Variants in ITPRIP observed in about 807,000 individuals in gnomAD.
ITPRIP encodes the protein inositol 1,4,5-trisphosphate receptor interacting protein, also known as inositol 1,4,5-trisphosphate receptor-interacting protein.
A neutral mutation model predicts 35.8 loss-of-function variants in ITPRIP; 32 were observed. The observed-to-expected ratio is 0.89, with a 90% CI of 0.68 to 1.20. The LOEUF (loss-of-function observed/expected upper bound fraction) is 1.20. Among genes scored for constraint, ITPRIP ranks in the 50% most tolerant of loss-of-function variants. ITPRIP has a pLI of 0.00. For synonymous variants in ITPRIP, 358 were observed against 324.0 expected (o/e 1.11, Z -1.13); for missense variants, 653 against 735.6 (o/e 0.89, Z 1.30).
intron 1 of ITPRIP, among the ~76,000 whole-genome samples, chr10:104,335,458 C>T (rs2014217158): frequency 6.6e-6 from 1 of 152,188 alleles, no homozygotes. Context: ...CCGTTTCCCT[C>T]TGAGCCACAC....
At chr10:104,335,916 G>A (rs1589897898) in intron 1 of ITPRIP, among the ~76,000 whole-genome samples, 1 of 149,318 alleles carries the variant, frequency 6.7e-6, no homozygotes, top group East Asian at 1.9e-4. Flanking sequence ...GTTAATACAG[G>A]CTAAGTACTT....
Position 104,312,668 on chromosome 10 carries a change from G to A in ITPRIP, c.*1740C>T. On this transcript the variant is annotated 3_prime_UTR_variant, in exon 2 of 2. Transcript: ENST00000337478. ...TGGAAGGCTTCCTATAGGTTTGGTT[G>A]CCCTGATCACAGCCGAGCTGCCCCA... 1.0e-6 allele frequency: 1 copy of A among 985,354 alleles called. No individual in the cohort carries two copies. The highest frequency in any genetic ancestry group is 1.2e-6 in the Non-Finnish European group (1 of 829,926). 61.0% of individuals were successfully genotyped at this position (985,354 alleles called of 1,614,324 possible).
chr10:104,332,277 T>C (rs2014165282), intron 1 of ITPRIP, among the ~76,000 whole-genome samples: 1 of 152,096 alleles, frequency 6.6e-6, no homozygotes, highest in African/African-American at 2.4e-5. Context: ...TCCATAACGG[T>C]GGATTCTGCA....
At chr10:104,336,455 G>C (rs2135216388) in intron 1 of ITPRIP, among the ~76,000 whole-genome samples, 1 of 146,068 alleles carries the variant, frequency 6.8e-6, no homozygotes, top group Admixed American at 6.9e-5. Context: ...CTGAGTCTTG[G>C]ACTCTGAAAG....
At chr10:104,321,904 C>T (rs2013857500) in intron 1 of ITPRIP, among the ~76,000 whole-genome samples, 3 of 152,046 alleles carry the variant, frequency 2.0e-5, no homozygotes, top group South Asian at 4.1e-4. Flanking sequence ...GCTACATGTA[C>T]GGAGCACATA....
intron 1 of ITPRIP, among the ~76,000 whole-genome samples, chr10:104,324,625 C>A (rs1284937994): frequency 1.3e-5 from 2 of 152,144 alleles, no homozygotes; most frequent in African/African-American, 4.8e-5. Context: ...GGCCACTGGG[C>A]TCCTTCCCTT....
intron 1 of ITPRIP, among the ~76,000 whole-genome samples, chr10:104,331,131 G>T (rs2014138635): frequency 6.6e-6 from 1 of 152,240 alleles, no homozygotes; most frequent in African/African-American, 2.4e-5. Flanking sequence ...AAAAAAGGGA[G>T]TGAGGGCTCT....
chr10:104,321,039 G>A (rs2013832657), intron 1 of ITPRIP, among the ~76,000 whole-genome samples: 1 of 152,188 alleles, frequency 6.6e-6, no homozygotes, highest in Non-Finnish European at 1.5e-5. Context: ...GACGGGTAGT[G>A]AGGAGCCTCT....
In ITPRIP at chr10:104,328,146, C is replaced by T. The variant is rs2014069513; in HGVS notation, c.-14+10100G>A. 1.1e-6 allele frequency: 1 copy of T among 870,138 alleles called. No homozygotes were observed. The highest frequency in any genetic ancestry group is 1.4e-6 in the Non-Finnish European group (1 of 724,818). 53.9% of individuals were successfully genotyped at this position (870,138 alleles called of 1,614,324 possible). ...TGCAGGAAGGATGCCTCTCCCACAG[C>T]CAGCCTGCAGGGGAAGGTCTCCCTC... On this transcript the variant is annotated intron_variant, in intron 1 of 1. Transcript: ENST00000337478. The surrounding 1 kb of genome is among the most constrained non-coding windows in gnomAD (Gnocchi z 4.1).
chr10:104,333,465 G>A lies in ITPRIP; in HGVS notation c.-14+4781C>T, dbSNP rs1589897017. 6.6e-6 allele frequency: 1 copy of A among 152,318 alleles called. No individual in the cohort carries two copies. Among genetic ancestry groups the A allele is most frequent in the East Asian group, 1.9e-4 (1 of 5,180 alleles). The allele number at this position is 152,318 out of a possible 1,614,324, so 9.4% of individuals were successfully genotyped here. On this transcript the variant is annotated intron_variant, in intron 1 of 1. Coordinates refer to ENST00000337478, the MANE Select transcript of ITPRIP (RefSeq NM_001272013.2). This position sits in a 1 kb window ranked among gnomAD's most constrained non-coding sequence, Gnocchi z 4.1. ...TGAGCAACAGTGATGTCACCTGCAG[G>A]GTGCTTCCGTTTCACTGATGTCACG...
At chr10:104,320,824 C>T (rs1263703148) in intron 1 of ITPRIP, among the ~76,000 whole-genome samples, 1 of 152,136 alleles carries the variant, frequency 6.6e-6, no homozygotes, top group African/African-American at 2.4e-5. Context: ...GAGCACCTGG[C>T]CTGCCTGTAA....
chr10:104,312,956 A>G lies in ITPRIP; in HGVS notation c.*1452T>C. On this transcript the variant is annotated 3_prime_UTR_variant, in exon 2 of 2. Transcript: ENST00000337478. Reference sequence around the variant, plus strand: ...GAAATCTCAAAGGGCCAGTGAAGCCACAGGTGGAAAAGAGCCTTCCTGATC... The same window carrying G: ...GAAATCTCAAAGGGCCAGTGAAGCCGCAGGTGGAAAAGAGCCTTCCTGATC... 1.0e-6 allele frequency: 1 copy of G among 985,448 alleles called. No homozygotes were observed. The highest frequency in any genetic ancestry group is 1.2e-6 in the Non-Finnish European group (1 of 829,938). The allele number at this position is 985,448 out of a possible 1,614,324, so 61.0% of individuals were successfully genotyped here. A position where few individuals can be genotyped will look rare whatever the true frequency, so the allele number is the denominator to read the frequency against.
At chr10:104,323,243 C>T (rs1486568759) in intron 1 of ITPRIP, 1 of 152,234 alleles carries the variant, frequency 6.6e-6, no homozygotes, top group Admixed American at 6.5e-5. Context: ...ATTTAGGAAG[C>T]AGGTACCCCA....
At chr10:104,324,315 T>C (rs2013932149) in intron 1 of ITPRIP, among the ~76,000 whole-genome samples, 1 of 151,468 alleles carries the variant, frequency 6.6e-6, no homozygotes, top group African/African-American at 2.4e-5. Flanking sequence ...GCACTCCAAA[T>C]GGGGACAGGA....
Position 104,311,278 on chromosome 10 carries a change from C to T in ITPRIP, c.*3130G>A, listed in dbSNP as rs1177098427. On this transcript the variant is annotated 3_prime_UTR_variant, in exon 2 of 2. Coordinates refer to ENST00000337478, the MANE Select transcript of ITPRIP (RefSeq NM_001272013.2). Reference sequence around the variant, plus strand: ...ATTGGCTTTTCCCAGGTCTATCTATCTTCCAATAGATCTGTAGGGAAAGTA... The same window carrying T: ...ATTGGCTTTTCCCAGGTCTATCTATTTTCCAATAGATCTGTAGGGAAAGTA... 2 of 152,200 alleles carry T rather than the reference C, an allele frequency of 1.3e-5. No individual in the cohort carries two copies. The highest frequency in any genetic ancestry group is 4.8e-5 in the African/African-American group (2 of 41,438). The allele number at this position is 152,200 out of a possible 1,614,324, so 9.4% of individuals were successfully genotyped here.
At chr10:104,317,573 C>G (rs376497374) in intron 1 of ITPRIP, among the ~76,000 whole-genome samples, 30 of 152,198 alleles carry the variant, frequency 2.0e-4, no homozygotes, top group Non-Finnish European at 2.9e-4. Context: ...TGAACTACCC[C>G]CCTCCTTGCT....
At chr10:104,334,036 A>C (rs1260718117) in intron 1 of ITPRIP, 1 of 152,242 alleles carries the variant, frequency 6.6e-6, no homozygotes, top group Non-Finnish European at 1.5e-5. Context: ...TTGAAGAATC[A>C]AGGCACCTGC....
At chr10:104,322,442 G>A (rs2013876413) in intron 1 of ITPRIP, among the ~76,000 whole-genome samples, 3 of 152,214 alleles carry the variant, frequency 2.0e-5, no homozygotes, top group African/African-American at 7.2e-5. Flanking sequence ...AGTGCCACCT[G>A]GCAACTTGTT....
In ITPRIP at chr10:104,311,381, C is replaced by T. The variant is rs191628244; in HGVS notation, c.*3027G>A. 2 of 152,066 alleles carry T rather than the reference C, an allele frequency of 1.3e-5. No individual in the cohort carries two copies. Among genetic ancestry groups the T allele is most frequent in the African/African-American group, 2.4e-5 (1 of 41,390 alleles). 9.4% of individuals were successfully genotyped at this position (152,066 alleles called of 1,614,324 possible). ...CCTCAGCTAGGGGTACCATCAGTCA[C>T]TTGGGGGAAATCTTTAAAAATCGAG... On this transcript the variant is annotated 3_prime_UTR_variant, in exon 2 of 2. Coordinates refer to ENST00000337478, the MANE Select transcript of ITPRIP (RefSeq NM_001272013.2).
Sources: allele counts gnomAD v4.1 joint callset (sites outside exome capture counted in the v4.1 genomes callset), GRCh38; gene constraint gnomAD v4.1.1; non-coding constraint Gnocchi (gnomAD v3.1); transcripts MANE v1.5; gene names NCBI Gene and HGNC (gene_info 2026-07-23, HGNC 2026-07-21).